Variants in KAZN observed in about 807,000 individuals in gnomAD.
KAZN encodes the protein kazrin, periplakin interacting protein.
In KAZN, 40 loss-of-function variants were observed where a neutral mutation model predicts 87.4. The ratio of observed to expected loss-of-function variants is 0.46; its 90% CI spans 0.36 to 0.60. The LOEUF (loss-of-function observed/expected upper bound fraction) is 0.60. KAZN is among the 20% of genes least tolerant of loss of function. The pLI is 0.00. For missense variants in KAZN, 898 were observed against 1,073.9 expected (o/e 0.84, Z 2.29); for synonymous variants, 466 against 458.3 (o/e 1.02, Z -0.22).
At chr1:14,150,774 C>T (rs766914463) in intron 1 of KAZN, among the ~76,000 whole-genome samples, 1 of 152,168 alleles carries the variant, frequency 6.6e-6, no homozygotes, top group Non-Finnish European at 1.5e-5. Context: ...ATGATATCAT[C>T]AAATATAGAC....
At chr1:13,953,675 A>G (rs1045948726) in intron 1 of KAZN, among the ~76,000 whole-genome samples, 1 of 151,736 alleles carries the variant, frequency 6.6e-6, no homozygotes, top group Admixed American at 6.6e-5. Context: ...TCACTACTGT[A>G]TTTCTAAATA....
At chr1:14,359,894 G>C (rs1659358557) in intron 2 of KAZN, among the ~76,000 whole-genome samples, 1 of 152,172 alleles carries the variant, frequency 6.6e-6, no homozygotes. Flanking sequence ...CAACCTTGGT[G>C]AATCTGATGA....
intron 2 of KAZN, among the ~76,000 whole-genome samples, chr1:14,560,556 C>A (rs768718998): frequency 7.2e-5 from 11 of 152,038 alleles, no homozygotes; most frequent in African/African-American, 2.4e-5. Flanking sequence ...CCAGCCTGGG[C>A]GACAGAGCGA....
intron 2 of KAZN, among the ~76,000 whole-genome samples, chr1:15,006,664 A>C (rs575079510): frequency 3.1e-4 from 47 of 152,126 alleles, no homozygotes; most frequent in Non-Finnish European, 6.2e-4. Flanking sequence ...CCAGAGAAAT[A>C]AGTAAAATGT....
At chr1:14,924,578 T>A (rs1282222302) in intron 1 of KAZN, 1 of 1,001,296 alleles carries the variant, frequency 1.0e-6, no homozygotes, top group Non-Finnish European at 1.2e-6. Context: ...GCCCGGTAGG[T>A]GCGCGCGGGG....
intron 2 of KAZN, among the ~76,000 whole-genome samples, chr1:14,527,520 G>A (rs369512622): frequency 1.4e-5 from 2 of 145,252 alleles, no homozygotes; most frequent in Admixed American, 7.1e-5. Context: ...TTGCACTCCA[G>A]CCTGGGCAAC....
chr1:14,898,373 A>T (rs1452051213), intron 1 of KAZN, among the ~76,000 whole-genome samples: 1 of 152,202 alleles, frequency 6.6e-6, no homozygotes, highest in Non-Finnish European at 1.5e-5. Context: ...AAGAGCAGAA[A>T]TGTGGTCCTT....
At chr1:14,001,487 A>G (rs556968055) in intron 1 of KAZN, among the ~76,000 whole-genome samples, 1 of 152,316 alleles carries the variant, frequency 6.6e-6, no homozygotes, top group Non-Finnish European at 1.5e-5. Context: ...ATTCTTCACA[A>G]AATTAGAAAA....
At chr1:13,931,425 G>C (rs868315689) in intron 1 of KAZN, among the ~76,000 whole-genome samples, 99 of 151,226 alleles carry the variant, frequency 6.5e-4, no homozygotes, top group African/African-American at 2.4e-3. Flanking sequence ...TTTGGGAACT[G>C]CCAATGTTTT....
rs558512671 is a variant in KAZN, at chr1:14,016,394, T to C, written c.91+122638T>C. On this transcript the variant is annotated intron_variant, in intron 1 of 16. Coordinates refer to the KAZN transcript ENST00000636203. ...TCATAAACATGACCCTATGTAAGCC[T>C]CTCAAGAGGAAATGCTATACCCATT... Among the ~76,000 whole-genome samples the C allele has an allele frequency of 2.6e-5, 4 of 152,272 alleles. No homozygotes were observed. The East Asian group carries it at 7.7e-4, about 29-fold the overall frequency.
chr1:14,822,044 T>C (rs1646750578), intron 1 of KAZN, among the ~76,000 whole-genome samples: 1 of 152,168 alleles, frequency 6.6e-6, no homozygotes, highest in South Asian at 2.1e-4. Context: ...TGTTTGTTTG[T>C]TTGTTTTTTT....
chr1:14,183,549 A>C (rs1022326605), intron 2 of KAZN, among the ~76,000 whole-genome samples: 5 of 152,104 alleles, frequency 3.3e-5, no homozygotes, highest in Middle Eastern at 3.2e-3. Context: ...GTCTAAACCC[A>C]AAATGCCGAC....
At chr1:14,760,503 G>A (rs1644709944) in intron 1 of KAZN, among the ~76,000 whole-genome samples, 1 of 152,186 alleles carries the variant, frequency 6.6e-6, no homozygotes, top group South Asian at 2.1e-4. Flanking sequence ...GCTGCAATGT[G>A]GTGAGAGGAC....
In KAZN at chr1:14,578,042, C is replaced by G. The variant is rs74813967; in HGVS notation, c.250-20941C>G. 7.1e-3 allele frequency among the ~76,000 whole-genome samples: 1,075 copies of G among 152,202 alleles called. 16 individuals carry two copies. Among genetic ancestry groups the G allele is most frequent in the African/African-American group, 0.024 (1,007 of 41,534 alleles). On this transcript the variant is annotated intron_variant, in intron 2 of 16. Transcript: ENST00000636203. ...AAACTGCAGTCTTCTCACCCGTACACTGAGGATAATAAGTGCATCTACCCC... is the reference window on the plus strand; with the variant it reads ...AAACTGCAGTCTTCTCACCCGTACAGTGAGGATAATAAGTGCATCTACCCC...
intron 1 of KAZN, among the ~76,000 whole-genome samples, chr1:14,177,950 C>T (rs1360764402): frequency 6.6e-6 from 1 of 151,956 alleles, no homozygotes; most frequent in African/African-American, 2.4e-5. Flanking sequence ...TTGGCTGTGT[C>T]CCCACACAAA....
chr1:14,871,649 A>AGTGTGTGTGTGT (rs3033520), intron 1 of KAZN, among the ~76,000 whole-genome samples: 10,903 of 144,454 alleles, frequency 0.075, 527 homozygotes, highest in African/African-American at 0.13. Context: ...CATGAGCAGC[A>AGTGTGTGTGTGT]GTGTGTGTGT....
At chr1:14,457,819 G>GTTTTTTTTTTT (rs147082108) in intron 2 of KAZN, among the ~76,000 whole-genome samples, 1 of 136,938 alleles carries the variant, frequency 7.3e-6, no homozygotes, top group African/African-American at 3.0e-5. Flanking sequence ...GTTGTTTTTT[G>GTTTTTTTTTTT]TTTTGTTTTT....
At chr1:14,819,400 G>T (rs1646669528) in intron 1 of KAZN, among the ~76,000 whole-genome samples, 1 of 152,126 alleles carries the variant, frequency 6.6e-6, no homozygotes, top group East Asian at 1.9e-4. Context: ...GTATTTTGTT[G>T]ATGGAATTAA....
At chr1:14,581,559 G>A (rs893863946) in intron 2 of KAZN, among the ~76,000 whole-genome samples, 5 of 152,094 alleles carry the variant, frequency 3.3e-5, no homozygotes, top group African/African-American at 7.2e-5. Context: ...ATCTCGTGTC[G>A]TTCCTCTACT....
Sources: gnomAD v4.1 joint callset for allele counts (sites outside exome capture counted in the v4.1 genomes callset) on GRCh38, gnomAD v4.1.1 for gene constraint, MANE v1.5 for transcripts, NCBI Gene and HGNC (gene_info 2026-07-23, HGNC 2026-07-21) for gene names.